PCDHB1: variants seen among roughly 807,000 people sequenced by gnomAD.
PCDHB1 encodes protocadherin beta 1.
Under a neutral mutation model 43.5 loss-of-function variants are expected in PCDHB1, and 44 were observed. The ratio of observed to expected loss-of-function variants is 1.01; its 90% CI spans 0.79 to 1.30. The LOEUF (loss-of-function observed/expected upper bound fraction) is 1.30. Among genes scored for constraint, PCDHB1 ranks in the 50% most tolerant of loss-of-function variants. The pLI is 0.00. For missense variants in PCDHB1, 919 were observed against 1,008.9 expected (o/e 0.91, Z 1.21); for synonymous variants, 392 against 400.8 (o/e 0.98, Z 0.26).
Position 141,051,944 on chromosome 5 carries a change from G to A in PCDHB1, c.474G>A (p.Gln158=), listed in dbSNP as rs782384804. Residue 158 remains glutamine, a synonymous_variant, in exon 1 of 1, where the codon CAG becomes CAA. Coordinates refer to ENST00000306549, the MANE Select transcript of PCDHB1 (RefSeq NM_013340.4). ...LGSRFPLQSA[Q]DLDVGLNGLQ... ...CACGTTTTCCTCTGCAGAGCGCCCA[G>A]GATCTGGACGTGGGCCTTAACGGTC... is the stretch of plus-strand genomic sequence containing the variant. 2 of 1,614,168 alleles carry A rather than the reference G, an allele frequency of 1.2e-6. No homozygotes were observed. The highest frequency in any genetic ancestry group is 1.7e-5 in the Admixed American group (1 of 60,028).
Position 141,051,834 on chromosome 5 carries a change from A to G in PCDHB1, c.364A>G (p.Arg122Gly). 6.2e-7 allele frequency: 1 copy of G among 1,614,246 alleles called. No homozygotes were observed. Among genetic ancestry groups the G allele is most frequent in the Non-Finnish European group, 8.5e-7 (1 of 1,180,046 alleles). Residue 122 changes from arginine (R) to glycine (G), a missense_variant, in exon 1 of 1, where the codon AGG (arginine) becomes GGG (glycine). Physicochemically the swap from Arg to Gly is moderately radical, Grantham distance 125. Coordinates refer to ENST00000306549, the MANE Select transcript of PCDHB1 (RefSeq NM_013340.4). ...GCTGCAGTCCTTCCGGGCCGAGGTC[A>G]GGGTATTTGATATCAATGACAATGC... ...EPLQSFRAEVRVFDINDNAPV... is the reference protein window; with the variant it reads ...EPLQSFRAEVGVFDINDNAPV...
In PCDHB1 at chr5:141,055,555, T is replaced by C. The variant is rs1200003275; in HGVS notation, c.*1628T>C. ...CATTTATTGTAAACCATTTTGTAGT[T>C]TGTAGAGCAAATATAAAATAAAAAG... On this transcript the variant is annotated 3_prime_UTR_variant, in exon 1 of 1. Transcript: ENST00000306549. 1.3e-5 allele frequency: 2 copies of C among 152,250 alleles called. No individual in the cohort carries two copies. Among genetic ancestry groups the C allele is most frequent in the Non-Finnish European group, 2.9e-5 (2 of 68,048 alleles). 9.4% of individuals were successfully genotyped at this position (152,250 alleles called of 1,614,324 possible).
rs370497604 is a variant in PCDHB1, at chr5:141,057,540, CAAAAAAAAAAAAA to C, written c.*3619_*3631del. On this transcript the variant is annotated 3_prime_UTR_variant, in exon 1 of 1. Transcript: ENST00000306549. ...CTGGCGACAAAGCAAGACTCTGTCTCAAAAAAAAAAAAAAAAAAGAAAAAAAGAAAAAAGAAAA... is the reference window on the plus strand; with the variant it reads ...CTGGCGACAAAGCAAGACTCTGTCTCAAAAAGAAAAAAAGAAAAAAGAAAA... 1.4e-5 allele frequency: 1 copy of C among 72,356 alleles called. No homozygotes were observed. The highest frequency in any genetic ancestry group is 2.8e-5 in the Non-Finnish European group (1 of 35,634). 4.5% of individuals were successfully genotyped at this position (72,356 alleles called of 1,614,324 possible). A position where few individuals can be genotyped will look rare whatever the true frequency, so the allele number is the denominator to read the frequency against.
In PCDHB1 at chr5:141,051,675, G is replaced by C; in HGVS notation, c.205G>C (p.Glu69Gln). The change falls in exon 1 of 1, where the codon GAG (glutamate) becomes CAG (glutamine). Residue 69 changes from glutamate to glutamine, a missense_variant. Coordinates refer to ENST00000306549, the MANE Select transcript of PCDHB1 (RefSeq NM_013340.4). The stretch of plus-strand genomic sequence containing the variant: ...TGCGCGCGGGGCGCGGCTGGTTTCC[G>C]AGGGCAACAAAATGCATTTCCGGCT... ...LAARGARLVSEGNKMHFRLHR... is the reference protein window; with the variant it reads ...LAARGARLVSQGNKMHFRLHR... 1.2e-6 allele frequency: 2 copies of C among 1,614,248 alleles called. No individual in the cohort carries two copies. Among genetic ancestry groups the C allele is most frequent in the Non-Finnish European group, 1.7e-6 (2 of 1,180,038 alleles).
In PCDHB1 at chr5:141,056,775, TTG is replaced by T. The variant is rs1341976761; in HGVS notation, c.*2852_*2853del. 1 of 152,178 alleles carries T rather than the reference TTG, an allele frequency of 6.6e-6. No individual in the cohort carries two copies. The highest frequency in any genetic ancestry group is 1.5e-5 in the Non-Finnish European group (1 of 68,034). 9.4% of individuals were successfully genotyped at this position (152,178 alleles called of 1,614,324 possible). ...ATACATTACCACGCCCAGCTAAATT[TTG>T]TGTTTTTAGTAGAGACGGGGCTTCG... On this transcript the variant is annotated 3_prime_UTR_variant, in exon 1 of 1. Transcript: ENST00000306549.
In PCDHB1 at chr5:141,053,430, T is replaced by C. The variant is rs200256145; in HGVS notation, c.1960T>C (p.Ser654Pro). 6.8e-6 allele frequency: 11 copies of C among 1,614,086 alleles called. No individual in the cohort carries two copies. Among genetic ancestry groups the C allele is most frequent in the African/African-American group, 2.7e-5 (2 of 74,936 alleles). The change falls in exon 1 of 1, where the codon TCC (serine) becomes CCC (proline). Residue 654 changes from serine (S) to proline (P), a missense_variant. By Grantham distance (74) the Ser-to-Pro change is moderately conservative (BLOSUM62 -1). Transcript: ENST00000306549. ...TCAGGATCACGGCCAACCAGCTCTT[T>C]CCACTACTGTCTCACTCAACATCCT... ...LVQDHGQPAL[S>P]TTVSLNILLV... is the part of the protein sequence containing the mutation.
In PCDHB1 at chr5:141,052,702, A is replaced by G. The variant is rs1554267286; in HGVS notation, c.1232A>G (p.Asp411Gly). The G allele has an allele frequency of 6.2e-7, 1 of 1,614,198 alleles. No homozygotes were observed. Among genetic ancestry groups the G allele is most frequent in the South Asian group, 1.1e-5 (1 of 91,086 alleles). Residue 411 changes from aspartate (D) to glycine (G), a missense_variant, in exon 1 of 1, where the codon GAT (aspartate) becomes GGT (glycine). Physicochemically the swap from Asp to Gly is moderately conservative, Grantham distance 94. Coordinates refer to ENST00000306549, the MANE Select transcript of PCDHB1 (RefSeq NM_013340.4). The part of the protein sequence containing the change: ...SYSLVTDRSL[D>G]REEVSGYNIT... ...TCACTGGTCACTGACAGAAGCTTGG[A>G]TCGGGAGGAGGTCTCAGGCTATAAT...
Position 141,057,542 on chromosome 5 carries a change from A to C in PCDHB1, c.*3615A>C. The C allele has an allele frequency of 1.5e-5, 1 of 65,780 alleles. No homozygotes were observed. The highest frequency in any genetic ancestry group is 7.5e-4 in the East Asian group (1 of 1,332). The allele number at this position is 65,780 out of a possible 1,614,324, so 4.1% of individuals were successfully genotyped here. A position where few individuals can be genotyped will look rare whatever the true frequency, so the allele number is the denominator to read the frequency against. On this transcript the variant is annotated 3_prime_UTR_variant, in exon 1 of 1. Transcript: ENST00000306549. The stretch of plus-strand genomic sequence containing the variant: ...GGCGACAAAGCAAGACTCTGTCTCA[A>C]AAAAAAAAAAAAAAAAGAAAAAAAG...
chr5:141,051,454 C>A lies in PCDHB1; in HGVS notation c.-17C>A. 3 of 1,611,750 alleles carry A rather than the reference C, an allele frequency of 1.9e-6. No individual in the cohort carries two copies. Among genetic ancestry groups the A allele is most frequent in the African/African-American group, 1.3e-5 (1 of 74,998 alleles). On this transcript the variant is annotated 5_prime_UTR_variant, in exon 1 of 1. Coordinates refer to ENST00000306549, the MANE Select transcript of PCDHB1 (RefSeq NM_013340.4). Reference sequence around the variant, plus strand: ...AACAGTTGGCTCTGATTGCAGAGAGCGCGCTTGTGAGAACTGATGGCGGGT... The same window carrying A: ...AACAGTTGGCTCTGATTGCAGAGAGAGCGCTTGTGAGAACTGATGGCGGGT...
Position 141,052,221 on chromosome 5 carries a change from G to T in PCDHB1, c.751G>T (p.Val251Leu), listed in dbSNP as rs782421983. Residue 251 changes from valine (V) to leucine (L), a missense_variant, in exon 1 of 1, where the codon GTA (valine) becomes TTA (leucine). Transcript: ENST00000306549. Reference protein sequence around the residue: ...QFSRLVYRAQVSENSPNGSLV... With the variant: ...QFSRLVYRAQLSENSPNGSLV... ...CTCGCGACTGGTGTACAGAGCCCAGGTATCAGAGAACAGCCCCAATGGCTC... is the reference window on the plus strand; with the variant it reads ...CTCGCGACTGGTGTACAGAGCCCAGTTATCAGAGAACAGCCCCAATGGCTC... The T allele has an allele frequency of 6.2e-7, 1 of 1,614,172 alleles. No homozygotes were observed. The highest frequency in any genetic ancestry group is 1.7e-5 in the Admixed American group (1 of 60,018).
Position 141,053,025 on chromosome 5 carries a change from A to G in PCDHB1, c.1555A>G (p.Thr519Ala), listed in dbSNP as rs782610594. 6.2e-7 allele frequency: 1 copy of G among 1,614,226 alleles called. No individual in the cohort carries two copies. Among genetic ancestry groups the G allele is most frequent in the Admixed American group, 1.7e-5 (1 of 60,026 alleles). Residue 519 changes from threonine to alanine, a missense_variant, in exon 1 of 1, where the codon ACC becomes GCC. By Grantham distance (58) the Thr-to-Ala change is moderately conservative. Transcript: ENST00000306549. ...SGNGKLYALRTMDYEAIQDFQ... is the reference protein window; with the variant it reads ...SGNGKLYALRAMDYEAIQDFQ... ...CAATGGGAAGCTCTACGCGCTGAGA[A>G]CCATGGATTATGAGGCCATTCAAGA...
Position 141,053,855 on chromosome 5 carries a change from GC to G in PCDHB1, c.2390del (p.Pro797GlnfsTer11). The G allele has an allele frequency of 6.2e-7, 1 of 1,614,106 alleles. No individual in the cohort carries two copies. The highest frequency in any genetic ancestry group is 8.5e-7 in the Non-Finnish European group (1 of 1,180,018). ...EIKMEAGSSL[P>X]PNSDRNKSQR... ...TAAAAATGGAGGCTGGCTCCAGTTT[GC>G]CCCCAAATTCTGATAGGAATAAGTC... On this transcript the variant is annotated frameshift_variant, in exon 1 of 1. Transcript: ENST00000306549. LOFTEE classifies it high-confidence loss of function.
In PCDHB1 at chr5:141,052,451, C is replaced by G. The variant is rs782759542; in HGVS notation, c.981C>G (p.Leu327=). ...TTCAAGCTACAGATGGTGGAGGCCT[C>G]TCTGCCCACAGCAAAGTCCTGGTAG... ...IDIQATDGGG[L]SAHSKVLVEV... Residue 327 remains leucine, a synonymous_variant, in exon 1 of 1, where the codon CTC becomes CTG. Transcript: ENST00000306549. 6.2e-7 allele frequency: 1 copy of G among 1,614,208 alleles called. No individual in the cohort carries two copies. Among genetic ancestry groups the G allele is most frequent in the Non-Finnish European group, 8.5e-7 (1 of 1,180,032 alleles).
chr5:141,052,703 T>TCCC lies in PCDHB1; in HGVS notation c.1234_1235insCCC (p.Asp411_Arg412insPro), dbSNP rs781958531. 1.3e-5 allele frequency: 21 copies of TCCC among 1,614,054 alleles called. No individual in the cohort carries two copies. Among genetic ancestry groups the TCCC allele is most frequent in the Non-Finnish European group, 1.8e-5 (21 of 1,180,044 alleles). On this transcript the variant is annotated inframe_insertion, in exon 1 of 1. Transcript: ENST00000306549. ...CACTGGTCACTGACAGAAGCTTGGA[T>TCCC]CGGGAGGAGGTCTCAGGCTATAATA...
Position 141,052,010 on chromosome 5 carries a change from G to T in PCDHB1, c.540G>T (p.Leu180=), listed in dbSNP as rs1441800822. 1 of 1,613,996 alleles carries T rather than the reference G, an allele frequency of 6.2e-7. No individual in the cohort carries two copies. Among genetic ancestry groups the T allele is most frequent in the East Asian group, 2.2e-5 (1 of 44,886 alleles). The part of the protein sequence containing the change: ...YTLSANGYFH[L]HTRFCSHGPK... ...TGAGTGCCAATGGGTATTTCCACCTGCACACCCGCTTCTGCAGCCACGGGC... is the reference window on the plus strand; with the variant it reads ...TGAGTGCCAATGGGTATTTCCACCTTCACACCCGCTTCTGCAGCCACGGGC... The change falls in exon 1 of 1, where the codon CTG becomes CTT. Residue 180 remains leucine (L), a synonymous_variant. Coordinates refer to ENST00000306549, the MANE Select transcript of PCDHB1 (RefSeq NM_013340.4).
In PCDHB1 at chr5:141,057,872, G is replaced by T. The variant is rs1751167004; in HGVS notation, c.*3945G>T. 1 of 152,140 alleles carries T rather than the reference G, an allele frequency of 6.6e-6. No individual in the cohort carries two copies. The allele number at this position is 152,140 out of a possible 1,614,324, so 9.4% of individuals were successfully genotyped here. Reference sequence around the variant, plus strand: ...GTCTCTATCAGCAAATTAAGACAAAGAATGGAAATAATTAGGGCAATTACT... The same window carrying T: ...GTCTCTATCAGCAAATTAAGACAAATAATGGAAATAATTAGGGCAATTACT... On this transcript the variant is annotated 3_prime_UTR_variant, in exon 1 of 1. Coordinates refer to ENST00000306549, the MANE Select transcript of PCDHB1 (RefSeq NM_013340.4).
In PCDHB1 at chr5:141,051,554, G is replaced by C. The variant is rs782026977; in HGVS notation, c.84G>C (p.Ala28=). Residue 28 remains alanine, a synonymous_variant, in exon 1 of 1, where the codon GCG becomes GCC. Transcript: ENST00000306549. The part of the protein sequence containing the change: ...LIFLCISVGD[A]TTIRYSVAEE... ...TTCTGTGCATATCTGTGGGGGATGC[G>C]ACAACTATCCGCTATTCAGTGGCAG... 2 of 1,614,234 alleles carry C rather than the reference G, an allele frequency of 1.2e-6. No individual in the cohort carries two copies.
Position 141,056,266 on chromosome 5 carries a change from G to A in PCDHB1, c.*2339G>A, listed in dbSNP as rs1751131464. On this transcript the variant is annotated 3_prime_UTR_variant, in exon 1 of 1. Coordinates refer to ENST00000306549, the MANE Select transcript of PCDHB1 (RefSeq NM_013340.4). ...TGGACTTAATGACTGATACCTAATG[G>A]CACCACCTGGCTGTTTACCTGTTGG... 1 of 151,962 alleles carries A rather than the reference G, an allele frequency of 6.6e-6. No individual in the cohort carries two copies. Among genetic ancestry groups the A allele is most frequent in the African/African-American group, 2.4e-5 (1 of 41,360 alleles). The allele number at this position is 151,962 out of a possible 1,614,324, so 9.4% of individuals were successfully genotyped here. A position where few individuals can be genotyped will look rare whatever the true frequency, so the allele number is the denominator to read the frequency against.
chr5:141,051,803 G>T lies in PCDHB1; in HGVS notation c.333G>T (p.Val111=). Residue 111 remains valine, a synonymous_variant, in exon 1 of 1, where the codon GTG becomes GTT. Transcript: ENST00000306549. ...TTCTGCACTTTGAAGTAGTCCTGGT[G>T]GAGCCGCTGCAGTCCTTCCGGGCCG... ...PCVLHFEVVL[V]EPLQSFRAEV... The T allele has an allele frequency of 6.2e-7, 1 of 1,614,250 alleles. No individual in the cohort carries two copies. The highest frequency in any genetic ancestry group is 8.5e-7 in the Non-Finnish European group (1 of 1,180,056).
Sources: allele counts gnomAD v4.1 joint callset, GRCh38; gene constraint gnomAD v4.1.1; transcripts MANE v1.5; gene names NCBI Gene and HGNC (gene_info 2026-07-23, HGNC 2026-07-21).